Variants in MFHAS1 observed in about 807,000 individuals in gnomAD.
MFHAS1 encodes multifunctional ROCO family signaling regulator 1.
Under a neutral mutation model 70.4 loss-of-function variants are expected in MFHAS1, and 50 were observed. The ratio of observed to expected loss-of-function variants is 0.71; its 90% CI spans 0.57 to 0.90. The LOEUF is 0.90. Among genes scored for constraint, MFHAS1 ranks in the 40% least tolerant of loss-of-function variants. The pLI is 0.00. For synonymous variants in MFHAS1, 952 were observed against 620.0 expected (o/e 1.54, Z -7.96); for missense variants, 1,795 against 1,347.6 (o/e 1.33, Z -5.20).
chr8:8,795,342 G>C (rs1317551790), intron 2 of MFHAS1, among the ~76,000 whole-genome samples: 1 of 152,212 alleles, frequency 6.6e-6, no homozygotes, highest in Admixed American at 6.5e-5. Flanking sequence ...TCCGTTGTTT[G>C]ATATGTTCAG....
At chr8:8,883,309 G>A (rs548282271) in intron 1 of MFHAS1, among the ~76,000 whole-genome samples, 120 of 152,338 alleles carry the variant, frequency 7.9e-4, no homozygotes, top group Admixed American at 2.6e-3. Flanking sequence ...AGAGAGGGCA[G>A]TACTGGGCCT....
At chr8:8,818,084 CAT>C in intron 1 of MFHAS1, among the ~76,000 whole-genome samples, 1 of 152,288 alleles carries the variant, frequency 6.6e-6, no homozygotes, top group South Asian at 2.1e-4. Context: ...ACCCATACGT[CAT>C]ACTCTTTCAG....
At chr8:8,867,963 A>G (rs1040653559) in intron 1 of MFHAS1, among the ~76,000 whole-genome samples, 1 of 152,188 alleles carries the variant, frequency 6.6e-6, no homozygotes, top group Non-Finnish European at 1.5e-5. Context: ...TCCTACCGCT[A>G]ATAAATGGAA....
intron 1 of MFHAS1, among the ~76,000 whole-genome samples, chr8:8,856,533 C>G (rs942532930): frequency 1.1e-4 from 16 of 152,174 alleles, no homozygotes; most frequent in Non-Finnish European, 1.8e-4. Flanking sequence ...TTGGGATCCA[C>G]TGGTGGGAAA....
At chr8:8,842,884 T>C (rs1807884752) in intron 1 of MFHAS1, among the ~76,000 whole-genome samples, 1 of 152,216 alleles carries the variant, frequency 6.6e-6, no homozygotes, top group African/African-American at 2.4e-5. Context: ...CTCCAATTTC[T>C]CACTTGGGCC....
chr8:8,820,443 A>C (rs778142169), intron 1 of MFHAS1, among the ~76,000 whole-genome samples: 4 of 152,218 alleles, frequency 2.6e-5, no homozygotes, highest in Admixed American at 1.3e-4. Context: ...TTCATCTGAC[A>C]GTCAGGTTAG....
chr8:8,866,467 C>T (rs1308927673), intron 1 of MFHAS1, among the ~76,000 whole-genome samples: 1 of 151,986 alleles, frequency 6.6e-6, no homozygotes, highest in East Asian at 1.9e-4. Flanking sequence ...TACAGGCATG[C>T]ACCACCACGC....
At chr8:8,862,952 C>G (rs1563209486) in intron 1 of MFHAS1, among the ~76,000 whole-genome samples, 1 of 152,224 alleles carries the variant, frequency 6.6e-6, no homozygotes, top group African/African-American at 2.4e-5. Context: ...TTCTCCTATG[C>G]TTCCTTGGTA....
intron 1 of MFHAS1, among the ~76,000 whole-genome samples, chr8:8,829,043 C>G (rs1807270659): frequency 6.6e-6 from 1 of 152,170 alleles, no homozygotes; most frequent in South Asian, 2.1e-4. Context: ...CAAGTGAACT[C>G]CTTGGACACT....
chr8:8,793,407 G>A (rs1805785144), intron 2 of MFHAS1, among the ~76,000 whole-genome samples: 1 of 152,152 alleles, frequency 6.6e-6, no homozygotes, highest in Non-Finnish European at 1.5e-5. Flanking sequence ...ATAAAGGAGA[G>A]GGCTAAACCA....
At chr8:8,827,592 T>G (rs1807209753) in intron 1 of MFHAS1, among the ~76,000 whole-genome samples, 1 of 152,250 alleles carries the variant, frequency 6.6e-6, no homozygotes, top group Non-Finnish European at 1.5e-5. Context: ...TCCTATTGAC[T>G]TCTAAGACTT....
intron 2 of MFHAS1, among the ~76,000 whole-genome samples, chr8:8,788,572 G>C (rs113861269): frequency 1.3e-5 from 2 of 150,390 alleles, no homozygotes; most frequent in Non-Finnish European, 1.5e-5. Flanking sequence ...CCAGCTACTC[G>C]GGGGGCTGAG....
intron 2 of MFHAS1, among the ~76,000 whole-genome samples, 196 bp from the exon 3 acceptor site, chr8:8,786,251 T>A (rs925500979): frequency 5.9e-5 from 9 of 152,242 alleles, no homozygotes; most frequent in African/African-American, 1.9e-4. Context: ...TTTAGCAGTC[T>A]ATTTGCCAAA....
chr8:8,878,482 T>C (rs1453373208), intron 1 of MFHAS1, among the ~76,000 whole-genome samples: 1 of 152,120 alleles, frequency 6.6e-6, no homozygotes, highest in Non-Finnish European at 1.5e-5. Context: ...ACCTCTTCTA[T>C]TTTTCTCCAA....
intron 1 of MFHAS1, 83 bp from the exon 2 acceptor site, chr8:8,797,574 T>A (rs1389770879): frequency 2.7e-6 from 4 of 1,462,204 alleles, no homozygotes; most frequent in Non-Finnish European, 3.7e-6. Flanking sequence ...TGCCCGGGGA[T>A]GGGGGCAGGG....
intron 1 of MFHAS1, among the ~76,000 whole-genome samples, chr8:8,870,219 C>T (rs2116907033): frequency 1.4e-5 from 2 of 144,364 alleles, no homozygotes; most frequent in East Asian, 4.0e-4. Flanking sequence ...TTCGGGAGGA[C>T]AAGATGCACA....
At chr8:8,808,084 C>A (rs917372822) in intron 1 of MFHAS1, among the ~76,000 whole-genome samples, 18 of 152,212 alleles carry the variant, frequency 1.2e-4, no homozygotes, top group Admixed American at 1.2e-3. Flanking sequence ...CCCCCCAGCA[C>A]CATGAAATCT....
intron 1 of MFHAS1, among the ~76,000 whole-genome samples, chr8:8,889,347 G>A (rs1002741910): frequency 8.5e-5 from 13 of 152,154 alleles, no homozygotes; most frequent in Middle Eastern, 3.2e-3. Flanking sequence ...AGCAGCCCCA[G>A]GATTTAGTCA....
chr8:8,885,342 T>C (rs1249594178), intron 1 of MFHAS1, among the ~76,000 whole-genome samples: 3 of 152,220 alleles, frequency 2.0e-5, no homozygotes, highest in Non-Finnish European at 4.4e-5. Flanking sequence ...GTAGGATATT[T>C]AGTGAAAATC....
Sources: gnomAD v4.1 joint callset for allele counts (sites outside exome capture counted in the v4.1 genomes callset) on GRCh38, gnomAD v4.1.1 for gene constraint, MANE v1.5 for transcripts, NCBI Gene and HGNC (gene_info 2026-07-23, HGNC 2026-07-21) for gene names.